The following KIFAP3 variants were observed in gnomAD, a reference collection of about 807,000 sequenced individuals.
KIFAP3 encodes kinesin-associated protein 3.
In KIFAP3, 68 loss-of-function variants were observed where a neutral mutation model predicts 106.5. That is an observed-to-expected ratio of 0.64 (90% CI 0.53 to 0.78). The LOEUF is 0.78. Ranked by LOEUF, KIFAP3 falls within the 30% of genes least tolerant of loss-of-function variation. The pLI, the probability that KIFAP3 is intolerant of heterozygous loss-of-function variation, is 0.00. For synonymous variants in KIFAP3, 320 were observed against 311.5 expected (o/e 1.03, Z -0.29); for missense variants, 780 against 941.8 (o/e 0.83, Z 2.25).
At chr1:169,984,543 C>T in intron 12 of KIFAP3, 39 bp downstream of exon 12, 1 of 879,066 alleles carries the variant, frequency 1.1e-6, no homozygotes, top group Non-Finnish European at 1.9e-6. Flanking sequence ...TACCAAATAC[C>T]ATATGCTAAA....
At chr1:169,934,082 C>T (rs1365777491) in intron 19 of KIFAP3, among the ~76,000 whole-genome samples, 1 of 152,068 alleles carries the variant, frequency 6.6e-6, no homozygotes, top group Non-Finnish European at 1.5e-5. Context: ...ATGATGAATA[C>T]TTCCCTAGAA....
intron 10 of KIFAP3, among the ~76,000 whole-genome samples, chr1:170,000,485 A>C (rs929632535): frequency 6.6e-6 from 1 of 152,142 alleles, no homozygotes; most frequent in African/African-American, 2.4e-5. Context: ...GAGAGCCCCT[A>C]AAGTTCTATC....
intron 10 of KIFAP3, among the ~76,000 whole-genome samples, chr1:170,003,690 C>T (rs1031983970): frequency 1.3e-5 from 2 of 152,126 alleles, no homozygotes; most frequent in African/African-American, 2.4e-5. Flanking sequence ...CCACCCAGTT[C>T]GAGCTTGATG....
intron 8 of KIFAP3, among the ~76,000 whole-genome samples, chr1:170,028,944 G>A (rs764072333): frequency 6.6e-6 from 1 of 151,810 alleles, no homozygotes. Flanking sequence ...GAAAAAGGAG[G>A]AAGAAGACAC....
intron 9 of KIFAP3, among the ~76,000 whole-genome samples, chr1:170,018,552 T>C (rs546165994): frequency 7.4e-4 from 109 of 147,066 alleles, no homozygotes; most frequent in African/African-American, 2.6e-3. Flanking sequence ...AAGGATTATT[T>C]TAATTTAATC....
chr1:170,024,776 T>C (rs1669024958), intron 8 of KIFAP3, 180 bp from the exon 9 acceptor site: 3 of 408,638 alleles, frequency 7.3e-6, no homozygotes, highest in Non-Finnish European at 1.3e-5. Context: ...GAATGGGATA[T>C]GTGTTTGTGT....
intron 15 of KIFAP3, among the ~76,000 whole-genome samples, chr1:169,980,458 AGCC>A: frequency 6.6e-6 from 1 of 152,288 alleles, no homozygotes; most frequent in South Asian, 2.1e-4. Flanking sequence ...GAGAAGAATG[AGCC>A]CTGCCCCTTA....
chr1:170,026,475 G>C (rs922355932), intron 8 of KIFAP3, among the ~76,000 whole-genome samples: 4 of 152,154 alleles, frequency 2.6e-5, no homozygotes, highest in African/African-American at 9.7e-5. Context: ...CTAGAATATT[G>C]CCTTGAGAGT....
intron 1 of KIFAP3, among the ~76,000 whole-genome samples, chr1:170,064,530 T>A (rs1671338039): frequency 6.6e-6 from 1 of 152,146 alleles, no homozygotes; most frequent in Non-Finnish European, 1.5e-5. Flanking sequence ...AGTTTTGTAT[T>A]TTTTATAGAG....
intron 11 of KIFAP3, among the ~76,000 whole-genome samples, chr1:169,986,295 T>C (rs1303489208): frequency 6.6e-6 from 1 of 151,834 alleles, no homozygotes; most frequent in African/African-American, 2.4e-5. Context: ...AAAACCAAAA[T>C]TAAATTTGGT....
At chr1:170,036,690 T>G (rs1669709197) in intron 5 of KIFAP3, among the ~76,000 whole-genome samples, 1 of 152,124 alleles carries the variant, frequency 6.6e-6, no homozygotes, top group African/African-American at 2.4e-5. Context: ...TAGTATTTCT[T>G]TAAATACTAG....
At chr1:169,935,846 A>G (rs2101797341) in intron 19 of KIFAP3, among the ~76,000 whole-genome samples, 1 of 152,124 alleles carries the variant, frequency 6.6e-6, no homozygotes, top group African/African-American at 2.4e-5. Context: ...GTATTTGAAA[A>G]TAAATTATAT....
intron 11 of KIFAP3, among the ~76,000 whole-genome samples, chr1:169,987,426 C>T (rs188231851): frequency 1.4e-4 from 22 of 152,082 alleles, no homozygotes; most frequent in Admixed American, 3.9e-4. Context: ...CAGAGGCCAA[C>T]CCCCACAGCT....
intron 19 of KIFAP3, among the ~76,000 whole-genome samples, chr1:169,940,751 G>A (rs1664060015): frequency 6.6e-6 from 1 of 152,128 alleles, no homozygotes; most frequent in Non-Finnish European, 1.5e-5. Flanking sequence ...CCCTGATTTA[G>A]AGAATACCAT....
intron 1 of KIFAP3, among the ~76,000 whole-genome samples, chr1:170,063,428 T>C (rs1418835837): frequency 6.6e-6 from 1 of 152,194 alleles, no homozygotes; most frequent in Non-Finnish European, 1.5e-5. Flanking sequence ...AAACCTGCTA[T>C]AATATCATCC....
chr1:169,948,920 T>C (rs944422352), intron 19 of KIFAP3, among the ~76,000 whole-genome samples: 1 of 151,944 alleles, frequency 6.6e-6, no homozygotes, highest in African/African-American at 2.4e-5. Context: ...GGTTGCTTTC[T>C]CAAGGGAAAA....
intron 3 of KIFAP3, among the ~76,000 whole-genome samples, chr1:170,040,647 T>A (rs569007695): frequency 1.3e-5 from 2 of 152,288 alleles, no homozygotes; most frequent in East Asian, 1.9e-4. Context: ...GATTTGCTTT[T>A]CTACTTGGAT....
At chr1:170,010,174 C>T (rs7539241) in intron 10 of KIFAP3, among the ~76,000 whole-genome samples, 115,832 of 151,816 alleles carry the variant, frequency 0.76, 44,614 homozygotes, top group East Asian at 0.99. Context: ...AAATAAGAAA[C>T]GAATAAATTT....
At position 170,016,891 on chromosome 1, in the gene KIFAP3, T is replaced by C. The variant is rs16862938; in HGVS notation, c.1021-267A>G. Reference sequence around the variant, plus strand: ...TGATCCTTGAAAACACTCTGCATTATTGAACACCACCTACTAAGTACCAGG... The same window carrying C: ...TGATCCTTGAAAACACTCTGCATTACTGAACACCACCTACTAAGTACCAGG... On this transcript the variant is annotated intron_variant, in intron 9 of 19. Coordinates refer to ENST00000361580, the MANE Select transcript of KIFAP3 (RefSeq NM_014970.4). 8.4e-3 allele frequency among the ~76,000 whole-genome samples: 1,280 copies of C among 152,282 alleles called. 22 individuals are homozygous for C. Among genetic ancestry groups the C allele is most frequent in the African/African-American group, 0.028 (1,163 of 41,538 alleles).
Sources: gnomAD v4.1 joint callset for allele counts (sites outside exome capture counted in the v4.1 genomes callset) on GRCh38, gnomAD v4.1.1 for gene constraint, MANE v1.5 for transcripts, NCBI Gene and HGNC (gene_info 2026-07-23, HGNC 2026-07-21) for gene names.